The following GRK3 variants were observed in gnomAD, a reference collection of about 807,000 sequenced individuals.
GRK3 encodes the protein G protein-coupled receptor kinase 3.
A neutral mutation model predicts 95.7 loss-of-function variants in GRK3; 54 were observed. The observed-to-expected ratio is 0.56, with a 90% CI of 0.45 to 0.71. GRK3 has a LOEUF of 0.71. Ranked by LOEUF, GRK3 falls within the 30% of genes least tolerant of loss-of-function variation. The probability of loss-of-function intolerance (pLI) is 0.00; values close to 1 mark genes in which losing one functional copy is unlikely to be tolerated. For synonymous variants in GRK3, 281 were observed against 290.8 expected (o/e 0.97, Z 0.34); for missense variants, 649 against 851.2 (o/e 0.76, Z 2.96).
chr22:25,579,231 C>G (rs1211256951), intron 1 of GRK3, among the ~76,000 whole-genome samples: 1 of 151,468 alleles, frequency 6.6e-6, no homozygotes, highest in East Asian at 1.9e-4. Context: ...GTGATCACAG[C>G]TCACTTCAGG....
intron 1 of GRK3, among the ~76,000 whole-genome samples, chr22:25,602,385 G>T (rs2084415374): frequency 6.6e-6 from 1 of 152,208 alleles, no homozygotes; most frequent in Admixed American, 6.5e-5. Context: ...ATTGTAAAAT[G>T]GTAGAACCAG....
chr22:25,700,846 A>C (rs998047058), intron 13 of GRK3, among the ~76,000 whole-genome samples: 2 of 152,082 alleles, frequency 1.3e-5, no homozygotes, highest in Admixed American at 1.3e-4. Context: ...CGGCCTCCCA[A>C]AGTGTGGGAT....
intron 1 of GRK3, among the ~76,000 whole-genome samples, chr22:25,594,107 A>G (rs1932588525): frequency 6.6e-6 from 1 of 152,108 alleles, no homozygotes; most frequent in Non-Finnish European, 1.5e-5. Context: ...TTCCATATTA[A>G]TCTTAGAATA....
chr22:25,678,446 T>C (rs2085049676), intron 8 of GRK3, among the ~76,000 whole-genome samples: 1 of 151,956 alleles, frequency 6.6e-6, no homozygotes, highest in South Asian at 2.1e-4. Context: ...AGAGTGAGAC[T>C]CTGTCTCAAA....
intron 6 of GRK3, among the ~76,000 whole-genome samples, chr22:25,670,880 AC>A (rs1218150088): frequency 2.6e-4 from 32 of 120,948 alleles, no homozygotes; most frequent in Non-Finnish European, 4.0e-4. Context: ...TACTAAAAAT[AC>A]AAAAAAAAAA....
chr22:25,701,991 T>C (rs187507682), intron 13 of GRK3, among the ~76,000 whole-genome samples: 3 of 152,330 alleles, frequency 2.0e-5, no homozygotes, highest in Non-Finnish European at 2.9e-5. Flanking sequence ...TAATTGTACA[T>C]TTTTTCCTTG....
chr22:25,642,302 G>A (rs1037280516), intron 2 of GRK3, among the ~76,000 whole-genome samples: 5 of 152,072 alleles, frequency 3.3e-5, no homozygotes, highest in African/African-American at 4.8e-5. Flanking sequence ...CCATGATCGC[G>A]GGTGCCTGTA....
chr22:25,589,085 A>G (rs1357436289), intron 1 of GRK3, among the ~76,000 whole-genome samples: 1 of 152,162 alleles, frequency 6.6e-6, no homozygotes, highest in African/African-American at 2.4e-5. Flanking sequence ...AGTTTAGAAA[A>G]CACTGTTTTA....
At chr22:25,595,696 C>T (rs189416037) in intron 1 of GRK3, among the ~76,000 whole-genome samples, 28 of 152,100 alleles carry the variant, frequency 1.8e-4, no homozygotes, top group Middle Eastern at 6.8e-3. Context: ...CCAATAATTC[C>T]AGCCACTTGG....
At chr22:25,650,735 T>C (rs987381389) in intron 3 of GRK3, among the ~76,000 whole-genome samples, 2 of 152,206 alleles carry the variant, frequency 1.3e-5, no homozygotes, top group African/African-American at 4.8e-5. Context: ...TTATAAGGTA[T>C]AACTAACTAT....
chr22:25,709,518 T>C (rs1291223209), intron 15 of GRK3, among the ~76,000 whole-genome samples: 1 of 152,218 alleles, frequency 6.6e-6, no homozygotes, highest in Non-Finnish European at 1.5e-5. Flanking sequence ...TGTGTAAATA[T>C]TTGCTGTAAA....
chr22:25,624,505 A>G (rs2084612520), intron 2 of GRK3, among the ~76,000 whole-genome samples: 1 of 152,134 alleles, frequency 6.6e-6, no homozygotes, highest in Non-Finnish European at 1.5e-5. Context: ...TGGAGCTTGC[A>G]GTGAGCCTAG....
intron 13 of GRK3, among the ~76,000 whole-genome samples, chr22:25,701,459 T>C (rs1203936415): frequency 6.6e-6 from 1 of 152,200 alleles, no homozygotes. Context: ...CTGAAGAGCA[T>C]TTTCTGATAA....
At chr22:25,619,630 C>CTAGG (rs2084566120) in intron 2 of GRK3, among the ~76,000 whole-genome samples, 1 of 150,888 alleles carries the variant, frequency 6.6e-6, no homozygotes, top group Non-Finnish European at 1.5e-5. Flanking sequence ...ACTACAGGTG[C>CTAGG]ACACGATCAT....
At chr22:25,658,808 T>G (rs978638450) in intron 3 of GRK3, among the ~76,000 whole-genome samples, 2 of 152,102 alleles carry the variant, frequency 1.3e-5, no homozygotes, top group Non-Finnish European at 2.9e-5. Flanking sequence ...ATTATTCATT[T>G]TTTGGCTTAA....
chr22:25,661,677 T>C lies in GRK3; in HGVS notation c.366T>C (p.His122=), dbSNP rs1313029651. ...TGAAGGAACTTCTTTCCTGTTCACA[T>C]GTAAGTATTTCTTCTTACTCTGTTA... ...YIMKELLSCS[H]PFSKQAVEHV... Residue 122 remains histidine, a splice_region_variant and synonymous_variant, in exon 4 of 21, where the codon CAT becomes CAC. Transcript: ENST00000324198. The C allele has an allele frequency of 6.3e-7, 1 of 1,587,038 alleles. No individual in the cohort carries two copies. The highest frequency in any genetic ancestry group is 8.6e-7 in the Non-Finnish European group (1 of 1,157,234).
intron 19 of GRK3, among the ~76,000 whole-genome samples, chr22:25,719,855 G>A (rs2085417660): frequency 6.6e-6 from 1 of 152,036 alleles, no homozygotes. Flanking sequence ...ATTTGACTTT[G>A]GACTGTATTT....
At chr22:25,704,815 G>C (rs932137854) in intron 15 of GRK3, among the ~76,000 whole-genome samples, 2 of 152,188 alleles carry the variant, frequency 1.3e-5, no homozygotes, top group Non-Finnish European at 2.9e-5. Context: ...GATTGTGGCA[G>C]TTTAACATTC....
Position 25,565,122 on chromosome 22 carries a change from G to A in GRK3, c.82G>A (p.Ala28Thr), listed in dbSNP as rs1314694248. The change falls in exon 1 of 21, where the codon GCC becomes ACC. Residue 28 changes from alanine to threonine, a missense_variant. Transcript: ENST00000324198. ...EKSKATPAAR[A>T]SKRIVLPEPS... is the part of the protein sequence containing the mutation. Reference sequence around the variant, plus strand: ...GAGCAAGGCGACCCCGGCCGCCCGCGCCAGCAAGAGGATCGTCCTGCCGGA... The same window carrying A: ...GAGCAAGGCGACCCCGGCCGCCCGCACCAGCAAGAGGATCGTCCTGCCGGA... 1.3e-6 allele frequency: 2 copies of A among 1,548,526 alleles called. No homozygotes were observed. Among genetic ancestry groups the A allele is most frequent in the Admixed American group, 1.9e-5 (1 of 52,324 alleles).
Sources: gnomAD v4.1 joint callset for allele counts (sites outside exome capture counted in the v4.1 genomes callset) on GRCh38, gnomAD v4.1.1 for gene constraint, MANE v1.5 for transcripts, NCBI Gene and HGNC (gene_info 2026-07-23, HGNC 2026-07-21) for gene names.